The following SPOCK3 variants were observed in gnomAD, a reference collection of about 807,000 sequenced individuals.
SPOCK3 encodes SPARC (osteonectin), cwcv and kazal like domains proteoglycan 3.
SPOCK3 carries 30 observed loss-of-function variants against 56.6 expected under a neutral mutation model. That is an observed-to-expected ratio of 0.53 (90% CI 0.40 to 0.72). The LOEUF (loss-of-function observed/expected upper bound fraction) is 0.72, where lower values mean the gene tolerates loss of function less well. Ranked by LOEUF, SPOCK3 falls within the 30% of genes least tolerant of loss-of-function variation. The pLI, the probability that SPOCK3 is intolerant of heterozygous loss-of-function variation, is 0.00. For synonymous variants in SPOCK3, 196 were observed against 183.3 expected (o/e 1.07, Z -0.56); for missense variants, 527 against 530.0 (o/e 0.99, Z 0.06).
At chr4:166,828,128 G>A (rs1263667688) in intron 6 of SPOCK3, among the ~76,000 whole-genome samples, 1 of 151,722 alleles carries the variant, frequency 6.6e-6, no homozygotes, top group Non-Finnish European at 1.5e-5. Flanking sequence ...AATATCTTCA[G>A]CTTTTCAAAA....
chr4:167,183,183 C>T (rs1272077985), intron 2 of SPOCK3, among the ~76,000 whole-genome samples: 1 of 152,048 alleles, frequency 6.6e-6, no homozygotes, highest in Non-Finnish European at 1.5e-5. Flanking sequence ...AGCCAGAAAA[C>T]CCTAATGAAA....
chr4:166,956,226 C>CACACACACAT, intron 4 of SPOCK3, among the ~76,000 whole-genome samples: 1 of 151,924 alleles, frequency 6.6e-6, no homozygotes, highest in Non-Finnish European at 1.5e-5. Flanking sequence ...CACATACACA[C>CACACACACAT]ACACACACAC....
At chr4:167,059,017 C>T (rs529374567) in intron 3 of SPOCK3, among the ~76,000 whole-genome samples, 12 of 151,998 alleles carry the variant, frequency 7.9e-5, no homozygotes, top group Non-Finnish European at 1.2e-4. Flanking sequence ...GGATTAAAGA[C>T]TTAAACGTTA....
intron 2 of SPOCK3, among the ~76,000 whole-genome samples, chr4:167,161,048 T>G (rs1765258673): frequency 6.6e-6 from 1 of 152,012 alleles, no homozygotes; most frequent in Non-Finnish European, 1.5e-5. Context: ...ACAAATGGGA[T>G]CTAATTAAAC....
intron 2 of SPOCK3, among the ~76,000 whole-genome samples, chr4:167,105,804 T>C (rs1050672997): frequency 2.6e-5 from 4 of 151,822 alleles, no homozygotes; most frequent in African/African-American, 9.7e-5. Context: ...AAAAAGATAT[T>C]TCATGCCAAT....
intron 7 of SPOCK3, among the ~76,000 whole-genome samples, chr4:166,772,349 T>C (rs1252489134): frequency 6.6e-6 from 1 of 152,148 alleles, no homozygotes; most frequent in Non-Finnish European, 1.5e-5. Flanking sequence ...TATTATGTTA[T>C]TCTGAATGTA....
intron 6 of SPOCK3, among the ~76,000 whole-genome samples, chr4:166,850,890 G>T (rs1001759823): frequency 4.6e-5 from 7 of 152,242 alleles, no homozygotes; most frequent in Admixed American, 2.0e-4. Context: ...GAGGCTGGGG[G>T]AGGGGTGCCC....
chr4:166,980,779 G>T (rs911108522), intron 4 of SPOCK3, among the ~76,000 whole-genome samples: 1 of 152,334 alleles, frequency 6.6e-6, no homozygotes. Context: ...ATGTGGCAAT[G>T]CCTAGAAGCT....
At chr4:166,842,190 G>A (rs1242857797) in intron 6 of SPOCK3, among the ~76,000 whole-genome samples, 2 of 152,184 alleles carry the variant, frequency 1.3e-5, no homozygotes, top group Admixed American at 1.3e-4. Flanking sequence ...AAGATTTATT[G>A]CAAAGAACAA....
At chr4:166,914,534 G>T (rs567118150) in intron 4 of SPOCK3, among the ~76,000 whole-genome samples, 1 of 152,288 alleles carries the variant, frequency 6.6e-6, no homozygotes, top group Non-Finnish European at 1.5e-5. Context: ...GCTGTGGGAG[G>T]CCGAGACAGG....
At chr4:166,878,418 G>A (rs1733328496) in intron 6 of SPOCK3, among the ~76,000 whole-genome samples, 1 of 151,894 alleles carries the variant, frequency 6.6e-6, no homozygotes, top group Admixed American at 6.6e-5. Context: ...TACACTATAA[G>A]AAGTTGGCCA....
chr4:166,936,250 T>C, intron 4 of SPOCK3, among the ~76,000 whole-genome samples: 1 of 152,262 alleles, frequency 6.6e-6, no homozygotes, highest in East Asian at 1.9e-4. Context: ...TACATATGTA[T>C]TCATAAGCAA....
intron 6 of SPOCK3, among the ~76,000 whole-genome samples, chr4:166,835,817 T>C (rs945904745): frequency 1.3e-5 from 2 of 152,170 alleles, no homozygotes; most frequent in Non-Finnish European, 2.9e-5. Flanking sequence ...CTGACCAACA[T>C]GGAGAAACCC....
At chr4:167,130,131 T>C (rs1180625513) in intron 2 of SPOCK3, among the ~76,000 whole-genome samples, 2 of 152,100 alleles carry the variant, frequency 1.3e-5, no homozygotes, top group Non-Finnish European at 2.9e-5. Context: ...TCTTCCCCGC[T>C]CAGCTTCTCA....
intron 7 of SPOCK3, among the ~76,000 whole-genome samples, chr4:166,780,875 G>C (rs989560544): frequency 2.6e-5 from 4 of 152,116 alleles, no homozygotes; most frequent in African/African-American, 7.2e-5. Flanking sequence ...CCTCTCTGAG[G>C]CTCAGTTGCA....
At chr4:166,735,782 A>T (rs1047259984) in intron 10 of SPOCK3, among the ~76,000 whole-genome samples, 8 of 152,050 alleles carry the variant, frequency 5.3e-5, no homozygotes, top group Admixed American at 5.3e-4. Flanking sequence ...GAGGAGCACC[A>T]TCCTGCTGAC....
chr4:167,077,524 A>G (rs547252124), intron 2 of SPOCK3, among the ~76,000 whole-genome samples: 2 of 152,046 alleles, frequency 1.3e-5, no homozygotes, highest in East Asian at 3.9e-4. Context: ...TCTCTATATT[A>G]CATGTGTTTT....
intron 7 of SPOCK3, among the ~76,000 whole-genome samples, chr4:166,764,924 A>C (rs960570815): frequency 1.3e-5 from 2 of 151,890 alleles, no homozygotes; most frequent in African/African-American, 4.8e-5. Context: ...TTTGATTTGC[A>C]TTTCTCTGAT....
At chr4:166,747,873 C>T (rs1456109001) in intron 8 of SPOCK3, among the ~76,000 whole-genome samples, 1 of 152,044 alleles carries the variant, frequency 6.6e-6, no homozygotes, top group Non-Finnish European at 1.5e-5. Flanking sequence ...CATGAGTGAA[C>T]TCCCATTCAT....
Sources: gnomAD v4.1 joint callset for allele counts (sites outside exome capture counted in the v4.1 genomes callset) on GRCh38, gnomAD v4.1.1 for gene constraint, MANE v1.5 for transcripts, NCBI Gene and HGNC (gene_info 2026-07-23, HGNC 2026-07-21) for gene names.